Variants in CD38 observed in about 807,000 individuals in gnomAD.
The protein encoded by CD38 is CD38 molecule, also known as ADP-ribosyl cyclase/cyclic ADP-ribose hydrolase 1.
In CD38, 31 loss-of-function variants were observed where a neutral mutation model predicts 36.3. That is an observed-to-expected ratio of 0.85 (90% CI 0.64 to 1.15). The LOEUF (loss-of-function observed/expected upper bound fraction) is 1.15. Among genes scored for constraint, CD38 ranks in the 50% most tolerant of loss-of-function variants. CD38 has a pLI of 0.00. For synonymous variants in CD38, 131 were observed against 135.2 expected (o/e 0.97, Z 0.22); for missense variants, 380 against 371.9 (o/e 1.02, Z -0.18).
At chr4:15,798,870 T>C (rs1445702671) in intron 1 of CD38, among the ~76,000 whole-genome samples, 2 of 152,206 alleles carry the variant, frequency 1.3e-5, no homozygotes, top group African/African-American at 4.8e-5. Context: ...GAAAAGCCTA[T>C]TTCTGTCTTT....
chr4:15,830,666 C>T (rs1168402785), intron 3 of CD38, among the ~76,000 whole-genome samples: 2 of 151,936 alleles, frequency 1.3e-5, no homozygotes, highest in Admixed American at 1.3e-4. Flanking sequence ...ATTTTTTTTG[C>T]CCAGACAAAT....
At chr4:15,836,348 G>T (rs1316810835) in intron 4 of CD38, among the ~76,000 whole-genome samples, 1 of 152,122 alleles carries the variant, frequency 6.6e-6, no homozygotes, top group Non-Finnish European at 1.5e-5. Context: ...CTTTCATAAG[G>T]GTGTTAATCC....
Position 15,838,183 on chromosome 4 carries a change from A to G in CD38, c.659+18A>G. Reference sequence around the variant, plus strand: ...AAAAACAGGTACACATTTATTTTGCATCCTGTTTGCAAGTATCCTGTTGCA... The same window carrying G: ...AAAAACAGGTACACATTTATTTTGCGTCCTGTTTGCAAGTATCCTGTTGCA... On this transcript the variant is annotated intron_variant, in intron 5 of 7. Coordinates refer to ENST00000226279, the MANE Select transcript of CD38 (RefSeq NM_001775.4). 6.4e-7 allele frequency: 1 copy of G among 1,570,644 alleles called. No homozygotes were observed.
chr4:15,816,714 T>G, intron 2 of CD38, 74 bp downstream of exon 2: 1 of 1,494,388 alleles, frequency 6.7e-7, no homozygotes, highest in Non-Finnish European at 9.3e-7. Flanking sequence ...GTCCAAATTT[T>G]TATTAGAATG....
At position 15,791,476 on chromosome 4, in the gene CD38, T is replaced by C. The variant is rs1367628864; in HGVS notation, c.233+12829T>C. Among the ~76,000 whole-genome samples the C allele has an allele frequency of 5.5e-4, 5 of 9,164 alleles. No homozygotes were observed. The East Asian group carries it at 0.016, about 29-fold the overall frequency. The allele number at this position is 9,164 out of a possible 152,430, so 6.0% of individuals were successfully genotyped here. A position where few individuals can be genotyped will look rare whatever the true frequency, so the allele number is the denominator to read the frequency against. The stretch of plus-strand genomic sequence containing the variant: ...CCAGCCGCCCCGTCCGGGAGGGAGG[T>C]GGGGGGGGGTCAGCCCCCCGCCCGG... On this transcript the variant is annotated intron_variant, in intron 1 of 7. Transcript: ENST00000226279.
At chr4:15,796,119 C>A (rs145548901) in intron 1 of CD38, among the ~76,000 whole-genome samples, 25 of 152,072 alleles carry the variant, frequency 1.6e-4, no homozygotes, top group Non-Finnish European at 3.1e-4. Context: ...CATGGGAATT[C>A]TTAATAAAGG....
chr4:15,814,346 T>C (rs1405239902), intron 1 of CD38, among the ~76,000 whole-genome samples: 1 of 152,206 alleles, frequency 6.6e-6, no homozygotes, highest in African/African-American at 2.4e-5. Flanking sequence ...ATTAGATCTT[T>C]GTCAGGTGGA....
intron 1 of CD38, among the ~76,000 whole-genome samples, chr4:15,813,662 C>A (rs181113848): frequency 6.6e-6 from 1 of 152,132 alleles, no homozygotes; most frequent in Non-Finnish European, 1.5e-5. Flanking sequence ...TGTGTTCTCA[C>A]TGTTCAACTC....
chr4:15,831,422 C>A (rs568640046), intron 3 of CD38, among the ~76,000 whole-genome samples: 1 of 152,238 alleles, frequency 6.6e-6, no homozygotes, highest in East Asian at 1.9e-4. Flanking sequence ...CCTTTTCTTT[C>A]TAATTGAAGT....
At chr4:15,804,921 T>C (rs1723309610) in intron 1 of CD38, among the ~76,000 whole-genome samples, 1 of 152,178 alleles carries the variant, frequency 6.6e-6, no homozygotes, top group South Asian at 2.1e-4. Context: ...GAAAATTTTG[T>C]ACATTACCAG....
At chr4:15,781,138 T>G (rs1298739215) in intron 1 of CD38, among the ~76,000 whole-genome samples, 1 of 152,136 alleles carries the variant, frequency 6.6e-6, no homozygotes, top group Non-Finnish European at 1.5e-5. Context: ...AGTTGGCACT[T>G]TCAACATTCT....
At chr4:15,807,119 G>A (rs903754547) in intron 1 of CD38, among the ~76,000 whole-genome samples, 2 of 152,192 alleles carry the variant, frequency 1.3e-5, no homozygotes, top group African/African-American at 4.8e-5. Context: ...AGACTCATGA[G>A]GGTGGGGCAG....
chr4:15,833,684 G>T (rs1724004893), intron 3 of CD38, among the ~76,000 whole-genome samples: 1 of 152,182 alleles, frequency 6.6e-6, no homozygotes, highest in African/African-American at 2.4e-5. Flanking sequence ...ATATCCTTGG[G>T]AGAAGTGACA....
chr4:15,830,461 T>A (rs1723937928), intron 3 of CD38, among the ~76,000 whole-genome samples: 1 of 152,220 alleles, frequency 6.6e-6, no homozygotes, highest in South Asian at 2.1e-4. Context: ...CCTATAGAGT[T>A]GTTTGAATTA....
chr4:15,832,859 G>A (rs1399773447), intron 3 of CD38, among the ~76,000 whole-genome samples: 1 of 152,166 alleles, frequency 6.6e-6, no homozygotes, highest in Non-Finnish European at 1.5e-5. Flanking sequence ...GTGCCATCCA[G>A]AAGCCAGGGA....
At chr4:15,840,560 A>T in intron 7 of CD38, 22 bp downstream of exon 7, 1 of 1,363,156 alleles carries the variant, frequency 7.3e-7, no homozygotes, top group Non-Finnish European at 1.0e-6. Flanking sequence ...CTTCTTGAAG[A>T]AAAAAATGAC....
chr4:15,817,517 A>G (rs1339393154), intron 2 of CD38, among the ~76,000 whole-genome samples: 2 of 152,266 alleles, frequency 1.3e-5, no homozygotes, highest in Admixed American at 6.5e-5. Context: ...ATAAGTGACT[A>G]TGCGATGGAT....
At chr4:15,788,148 T>C (rs1722882039) in intron 1 of CD38, among the ~76,000 whole-genome samples, 1 of 152,122 alleles carries the variant, frequency 6.6e-6, no homozygotes, top group Non-Finnish European at 1.5e-5. Context: ...AACAATCACT[T>C]CTTAGAGCTG....
rs148763145 is a variant in CD38, at chr4:15,849,699, A to C, written c.*1097A>C. ...AAAGAACTAAGCTTTAGCTTCATTG[A>C]TTTTTTTCTATTTAATTGGGTTTTG... is the stretch of plus-strand genomic sequence containing the variant. On this transcript the variant is annotated 3_prime_UTR_variant, in exon 8 of 8. Coordinates refer to ENST00000226279, the MANE Select transcript of CD38 (RefSeq NM_001775.4). 12 of 152,062 alleles carry C rather than the reference A, an allele frequency of 7.9e-5. No homozygotes were observed. The East Asian group carries it at 2.3e-3, about 29-fold the overall frequency. The allele number at this position is 152,062 out of a possible 1,614,324, so 9.4% of individuals were successfully genotyped here.
Sources: gnomAD v4.1 joint callset for allele counts (sites outside exome capture counted in the v4.1 genomes callset) on GRCh38, gnomAD v4.1.1 for gene constraint, MANE v1.5 for transcripts, NCBI Gene and HGNC (gene_info 2026-07-23, HGNC 2026-07-21) for gene names.